The following ELAVL2 variants were observed in gnomAD, a reference collection of about 807,000 sequenced individuals.
The protein encoded by ELAVL2 is ELAV-like protein 2.
ELAVL2 carries 4 observed loss-of-function variants against 34.6 expected under a neutral mutation model. The ratio of observed to expected loss-of-function variants is 0.12; its 90% CI spans 0.06 to 0.26. The LOEUF (loss-of-function observed/expected upper bound fraction) is 0.26, where lower values mean the gene tolerates loss of function less well. Ranked by LOEUF, ELAVL2 falls within the 10% of genes least tolerant of loss-of-function variation. ELAVL2 has a pLI of 1.00. For synonymous variants in ELAVL2, 193 were observed against 154.8 expected, an observed-to-expected ratio of 1.25 and a Z score of -1.83; for missense variants, 432 against 442.8, an observed-to-expected ratio of 0.98 and a Z score of 0.22.
upstream of ELAVL2, among the ~76,000 whole-genome samples, chr9:23,830,564 C>G (rs796994723): frequency 5.3e-4 from 79 of 149,956 alleles, 1 homozygote; most frequent in African/African-American, 1.9e-3. Context: ...ATCTTTGAGA[C>G]CAGCCTAGGT....
intron 2 of ELAVL2, among the ~76,000 whole-genome samples, chr9:23,754,460 TA>T (rs1450824701): frequency 1.3e-5 from 2 of 152,032 alleles, no homozygotes; most frequent in Non-Finnish European, 2.9e-5. Flanking sequence ...TTTTTTTTAT[TA>T]TTTTTTTGTG....
In ELAVL2 at chr9:23,815,236, T is replaced by G. The variant is rs959802237; in HGVS notation, c.-16+10570A>C. Among the ~76,000 whole-genome samples, 3 of 152,178 alleles carry G rather than the reference T, an allele frequency of 2.0e-5. No individual in the cohort carries two copies. In the South Asian group the frequency reaches 6.2e-4, roughly 31 times the overall value. ...ATATGAGAAATTTAAATTAAGAAATTTATATTCCTGGAATGTTAGCTGGCT... is the reference window on the plus strand; with the variant it reads ...ATATGAGAAATTTAAATTAAGAAATGTATATTCCTGGAATGTTAGCTGGCT... On this transcript the variant is annotated intron_variant, in intron 1 of 6. Transcript: ENST00000397312.
chr9:23,804,762 G>T (rs1309439983), intron 1 of ELAVL2, among the ~76,000 whole-genome samples: 1 of 152,104 alleles, frequency 6.6e-6, no homozygotes, highest in African/African-American at 2.4e-5. Flanking sequence ...TGTAGAGAGG[G>T]CACTGGGGGA....
intron 1 of ELAVL2, among the ~76,000 whole-genome samples, chr9:23,822,331 G>A (rs768368686): frequency 3.9e-5 from 6 of 152,118 alleles, no homozygotes; most frequent in Non-Finnish European, 7.4e-5. Context: ...CCTCTCTAGA[G>A]AGAACCTGAC....
chr9:23,735,195 G>C (rs568392371), intron 2 of ELAVL2: 39 of 142,682 alleles, frequency 2.7e-4, no homozygotes, highest in African/African-American at 9.4e-4. Flanking sequence ...ACATAAAGAA[G>C]AGGCTCAATG....
Position 23,701,613 on chromosome 9 carries a change from G to T in ELAVL2, c.488-9C>A, listed in dbSNP as rs777120608. The T allele has an allele frequency of 6.2e-7, 1 of 1,611,060 alleles. No individual in the cohort carries two copies. Among genetic ancestry groups the T allele is most frequent in the East Asian group, 2.2e-5 (1 of 44,822 alleles). ...TACACCCCTTGATATGCCTATGGTA[G>T]ATTTGAGTAAAGATTTGGAAAAGAG... On this transcript the variant is annotated splice_polypyrimidine_tract_variant and intron_variant, in intron 4 of 6. Coordinates refer to ENST00000397312, the MANE Select transcript of ELAVL2 (RefSeq NM_004432.5).
At chr9:23,847,129 T>C in the ELAVL2 span, 7 of 152,288 alleles carry the variant, frequency 4.6e-5, no homozygotes, top group East Asian at 1.4e-3. Flanking sequence ...TATTAAAAGT[T>C]AACTTCTTTG....
At chr9:23,713,459 T>C (rs750316291) in intron 3 of ELAVL2, among the ~76,000 whole-genome samples, 3 of 151,994 alleles carry the variant, frequency 2.0e-5, no homozygotes, top group Non-Finnish European at 2.9e-5. Flanking sequence ...TCCAATCCTG[T>C]ATATTTCACT....
At chr9:23,839,811 T>C in the ELAVL2 span, among the ~76,000 whole-genome samples, 1 of 152,150 alleles carries the variant, frequency 6.6e-6, no homozygotes, top group Non-Finnish European at 1.5e-5. Flanking sequence ...ATTTTACCTA[T>C]AATTTTAAAG....
Position 23,690,156 on chromosome 9 carries a change from T to C in ELAVL2, c.*2401A>G, listed in dbSNP as rs551007555. 2 of 152,544 alleles carry C rather than the reference T, an allele frequency of 1.3e-5. No homozygotes were observed. Among genetic ancestry groups the C allele is most frequent in the African/African-American group, 4.8e-5 (2 of 41,426 alleles). 9.4% of individuals were successfully genotyped at this position (152,544 alleles called of 1,614,324 possible). Reference sequence around the variant, plus strand: ...ACTGAACATGAAAAAGTACAAAGAATCCAAACACAAAAGAAAACATGTACA... The same window carrying C: ...ACTGAACATGAAAAAGTACAAAGAACCCAAACACAAAAGAAAACATGTACA... On this transcript the variant is annotated 3_prime_UTR_variant, in exon 7 of 7. Coordinates refer to ENST00000397312, the MANE Select transcript of ELAVL2 (RefSeq NM_004432.5).
chr9:23,703,025 A>G (rs576370211), intron 4 of ELAVL2, among the ~76,000 whole-genome samples: 9 of 140,946 alleles, frequency 6.4e-5, no homozygotes, highest in African/African-American at 2.3e-4. Context: ...TGGTCCTCCT[A>G]CTTAAGCATA....
intron 2 of ELAVL2, among the ~76,000 whole-genome samples, chr9:23,731,513 T>C (rs971194378): frequency 1.3e-5 from 2 of 152,110 alleles, no homozygotes; most frequent in African/African-American, 4.8e-5. Flanking sequence ...GCCATAAAAA[T>C]GGGAAGACAG....
chr9:23,833,508 T>C, the ELAVL2 span, among the ~76,000 whole-genome samples: 1 of 151,902 alleles, frequency 6.6e-6, no homozygotes, highest in South Asian at 2.1e-4. Context: ...TGAAAAAAGA[T>C]ATTTTATAAA....
Position 23,770,589 on chromosome 9 carries a change from C to T in ELAVL2, c.-15-8340G>A, listed in dbSNP as rs373487825. Reference sequence around the variant, plus strand: ...AGGGTGATGAAGCATGAGAAGAAATCGAAAGGACATTGCTGGCTTTAAATG... The same window carrying T: ...AGGGTGATGAAGCATGAGAAGAAATTGAAAGGACATTGCTGGCTTTAAATG... On this transcript the variant is annotated intron_variant, in intron 1 of 6. Coordinates refer to ENST00000397312, the MANE Select transcript of ELAVL2 (RefSeq NM_004432.5). Among the ~76,000 whole-genome samples the T allele has an allele frequency of 2.6e-5, 4 of 152,080 alleles. No homozygotes were observed. In the East Asian group the frequency reaches 5.8e-4, roughly 22 times the overall value.
chr9:23,816,874 G>T (rs551383548), intron 1 of ELAVL2, among the ~76,000 whole-genome samples: 1 of 152,208 alleles, frequency 6.6e-6, no homozygotes, highest in Admixed American at 6.5e-5. Flanking sequence ...TATTCAGTAG[G>T]TTAGGCGTAT....
chr9:23,777,855 C>T (rs1398300916), intron 1 of ELAVL2, among the ~76,000 whole-genome samples: 1 of 152,160 alleles, frequency 6.6e-6, no homozygotes, highest in African/African-American at 2.4e-5. Context: ...AGACAGCTGG[C>T]CTCCTACATT....
At chr9:23,777,435 A>T (rs1365733642) in intron 1 of ELAVL2, among the ~76,000 whole-genome samples, 1 of 152,076 alleles carries the variant, frequency 6.6e-6, no homozygotes, top group Non-Finnish European at 1.5e-5. Flanking sequence ...GAATCACTAT[A>T]AGGGAAATAG....
At chr9:23,737,919 G>GA (rs1344039755) in intron 2 of ELAVL2, among the ~76,000 whole-genome samples, 3 of 151,888 alleles carry the variant, frequency 2.0e-5, no homozygotes, top group Non-Finnish European at 4.4e-5. Flanking sequence ...ATGCCTTAAC[G>GA]ACAAAAAAAA....
At chr9:23,813,979 A>G (rs142678309) in intron 1 of ELAVL2, among the ~76,000 whole-genome samples, 27 of 152,316 alleles carry the variant, frequency 1.8e-4, no homozygotes, top group African/African-American at 6.3e-4. Context: ...GCCATGCTTC[A>G]TCCTTAAGGC....
Sources: allele counts gnomAD v4.1 joint callset (sites outside exome capture counted in the v4.1 genomes callset), GRCh38; gene constraint gnomAD v4.1.1; transcripts MANE v1.5; gene names NCBI Gene and HGNC (gene_info 2026-07-23, HGNC 2026-07-21).